The following BBS9 variants were observed in gnomAD, a reference collection of about 807,000 sequenced individuals.
BBS9 encodes the protein protein PTHB1.
A neutral mutation model predicts 117.7 loss-of-function variants in BBS9; 89 were observed. The observed-to-expected ratio is 0.76, with a 90% CI of 0.64 to 0.90. BBS9 has a LOEUF of 0.90. BBS9 is among the 40% of genes least tolerant of loss of function. BBS9 has a pLI of 0.00. For synonymous variants in BBS9, 379 were observed against 370.9 expected (o/e 1.02, Z -0.25); for missense variants, 982 against 1,042.2 (o/e 0.94, Z 0.80).
intron 19 of BBS9, among the ~76,000 whole-genome samples, chr7:33,470,982 C>T (rs1840941237): frequency 6.6e-6 from 1 of 152,188 alleles, no homozygotes. Flanking sequence ...GTGCCACATA[C>T]TGATACAGGT....
intron 19 of BBS9, among the ~76,000 whole-genome samples, chr7:33,428,796 A>G (rs767664217): frequency 3.3e-5 from 5 of 152,164 alleles, no homozygotes; most frequent in Non-Finnish European, 5.9e-5. Flanking sequence ...TTTATACATA[A>G]TTGTTTAATT....
At chr7:33,196,721 T>G (rs1261463512) in intron 5 of BBS9, among the ~76,000 whole-genome samples, 3 of 152,156 alleles carry the variant, frequency 2.0e-5, no homozygotes, top group African/African-American at 7.2e-5. Context: ...GTTTTTAAGA[T>G]CCTTTATGGA....
intron 21 of BBS9, among the ~76,000 whole-genome samples, chr7:33,591,942 T>C (rs559236315): frequency 2.7e-4 from 41 of 152,196 alleles, no homozygotes; most frequent in African/African-American, 6.3e-4. Flanking sequence ...GGAGTGGTTA[T>C]CTATGATAGT....
chr7:33,617,637 A>G (rs1244267481), intron 21 of BBS9, among the ~76,000 whole-genome samples: 1 of 152,196 alleles, frequency 6.6e-6, no homozygotes, highest in Non-Finnish European at 1.5e-5. Context: ...AACACAGTAG[A>G]CAACTAAACA....
chr7:33,607,447 A>G (rs1406894859), downstream of BBS9, among the ~76,000 whole-genome samples: 1 of 152,164 alleles, frequency 6.6e-6, no homozygotes, highest in Non-Finnish European at 1.5e-5. Context: ...AAATAAGATG[A>G]ATAAAAATTC....
intron 19 of BBS9, among the ~76,000 whole-genome samples, chr7:33,430,259 A>G (rs1425655393): frequency 6.6e-6 from 1 of 152,240 alleles, no homozygotes; most frequent in African/African-American, 2.4e-5. Context: ...TGCTCTGTCA[A>G]GTAGTATTTA....
intron 21 of BBS9, among the ~76,000 whole-genome samples, chr7:33,563,742 T>C (rs1226152162): frequency 6.6e-6 from 1 of 152,206 alleles, no homozygotes; most frequent in African/African-American, 2.4e-5. Flanking sequence ...GTAGCTGCAA[T>C]GTGTATTGTA....
chr7:33,217,982 A>G (rs1204664230), intron 5 of BBS9, among the ~76,000 whole-genome samples: 2 of 152,264 alleles, frequency 1.3e-5, no homozygotes, highest in African/African-American at 4.8e-5. Context: ...AAAAGGTCAT[A>G]GGATGAAAAC....
At chr7:33,351,618 A>T (rs1818664466) in intron 14 of BBS9, among the ~76,000 whole-genome samples, 1 of 152,126 alleles carries the variant, frequency 6.6e-6, no homozygotes, top group South Asian at 2.1e-4. Flanking sequence ...ATTTATTTGA[A>T]CCAAAGGCTA....
intron 5 of BBS9, among the ~76,000 whole-genome samples, chr7:33,214,210 C>CT (rs1257824058): frequency 2.6e-5 from 4 of 152,196 alleles, no homozygotes; most frequent in Non-Finnish European, 5.9e-5. Context: ...CAGGTGCTCC[C>CT]TCCTTGCATG....
chr7:33,207,733 T>A (rs972495116), intron 5 of BBS9, among the ~76,000 whole-genome samples: 2 of 152,188 alleles, frequency 1.3e-5, no homozygotes, highest in Non-Finnish European at 2.9e-5. Context: ...TGCATGTATA[T>A]ACATATATAC....
At position 33,357,910 on chromosome 7, in the gene BBS9, A is replaced by G. The variant is rs1262654403; in HGVS notation, c.1608A>G (p.Leu536=). The change falls in exon 16 of 23, where the codon CTA becomes CTG. Residue 536 remains leucine, a synonymous_variant. Coordinates refer to ENST00000242067, the MANE Select transcript of BBS9 (RefSeq NM_198428.3). ...GACTTCCCCTAAAGTTAATTTGCCT[A>G]CCAGGTCAGCCTTCAAAAACTGCAA... is the stretch of plus-strand genomic sequence containing the variant. The part of the protein sequence containing the change: ...KFRLPLKLIC[L]PGQPSKTASH... 1.2e-6 allele frequency: 2 copies of G among 1,612,122 alleles called. No individual in the cohort carries two copies. The highest frequency in any genetic ancestry group is 2.7e-5 in the African/African-American group (2 of 74,814).
intron 5 of BBS9, among the ~76,000 whole-genome samples, chr7:33,211,175 A>G (rs1005085823): frequency 3.9e-5 from 6 of 152,022 alleles, no homozygotes; most frequent in African/African-American, 1.4e-4. Flanking sequence ...ATTTAATGTT[A>G]TTATTGATAT....
chr7:33,139,082 G>A (rs190207087), intron 1 of BBS9, among the ~76,000 whole-genome samples: 3 of 151,110 alleles, frequency 2.0e-5, no homozygotes, highest in African/African-American at 7.2e-5. Context: ...GAGAAACCCC[G>A]TCTCTACTAA....
At chr7:33,337,334 T>G (rs1287763063) in intron 10 of BBS9, among the ~76,000 whole-genome samples, 1 of 152,112 alleles carries the variant, frequency 6.6e-6, no homozygotes. Flanking sequence ...AAAGTATTTT[T>G]TTAATGTGAA....
rs1309281588 is a variant in BBS9, at chr7:33,400,672, G to GC, written c.2115+12529dup. ...AGAAAAAGATGTACTGTTTTTATAA[G>GC]CATATCTATGAACAGCTGAGCAGTT... On this transcript the variant is annotated intron_variant, in intron 19 of 22. Coordinates refer to ENST00000242067, the MANE Select transcript of BBS9 (RefSeq NM_198428.3). Among the ~76,000 whole-genome samples, 6 of 152,138 alleles carry GC rather than the reference G, an allele frequency of 3.9e-5. 1 individual carries two copies. The highest frequency in any genetic ancestry group is 3.9e-4 in the Admixed American group (6 of 15,272).
At chr7:33,240,637 GA>G (rs749769315) in intron 5 of BBS9, among the ~76,000 whole-genome samples, 6 of 152,124 alleles carry the variant, frequency 3.9e-5, no homozygotes, top group African/African-American at 4.8e-5. Context: ...TGAGTTCCAT[GA>G]AAAAAATTGT....
intron 3 of BBS9, 67 bp downstream of exon 3, chr7:33,152,918 T>G: frequency 1.3e-6 from 2 of 1,526,212 alleles, no homozygotes; most frequent in Non-Finnish European, 1.8e-6. Context: ...GTCACTTTTG[T>G]GTATTCTTCA....
intron 9 of BBS9, among the ~76,000 whole-genome samples, chr7:33,315,027 C>T (rs1419454609): frequency 2.0e-5 from 3 of 152,152 alleles, no homozygotes; most frequent in Non-Finnish European, 4.4e-5. Context: ...GGTCATGATT[C>T]TATGGGTTAA....
Sources: gnomAD v4.1 joint callset for allele counts (sites outside exome capture counted in the v4.1 genomes callset) on GRCh38, gnomAD v4.1.1 for gene constraint, MANE v1.5 for transcripts, NCBI Gene and HGNC (gene_info 2026-07-23, HGNC 2026-07-21) for gene names.